Variants in ERAP1 observed in about 807,000 individuals in gnomAD.
ERAP1 encodes the protein endoplasmic reticulum aminopeptidase 1, also known as adipocyte-derived leucine aminopeptidase.
A neutral mutation model predicts 103.7 loss-of-function variants in ERAP1; 86 were observed. The observed-to-expected ratio is 0.83, with a 90% CI of 0.70 to 0.99. The LOEUF is 0.99. Ranked by LOEUF, ERAP1 falls within the 50% of genes least tolerant of loss-of-function variation. The probability of loss-of-function intolerance (pLI) is 0.00; values close to 1 mark genes in which losing one functional copy is unlikely to be tolerated. For synonymous variants in ERAP1, 398 were observed against 402.4 expected (o/e 0.99, Z 0.13); for missense variants, 1,009 against 1,128.4 (o/e 0.89, Z 1.52).
chr5:96,786,928 C>T (rs530593579), intron 11 of ERAP1, among the ~76,000 whole-genome samples: 6 of 152,090 alleles, frequency 3.9e-5, no homozygotes, highest in African/African-American at 7.2e-5. Context: ...TAAGCTGAAC[C>T]TGATCATGGA....
chr5:96,924,660 T>C, the ERAP1 span, among the ~76,000 whole-genome samples: 1 of 151,770 alleles, frequency 6.6e-6, no homozygotes, highest in African/African-American at 2.4e-5. Flanking sequence ...TGCAATGGCG[T>C]GATCTCGGCT....
chr5:96,842,479 T>C, the ERAP1 span, among the ~76,000 whole-genome samples: 2 of 152,234 alleles, frequency 1.3e-5, no homozygotes, highest in Non-Finnish European at 2.9e-5. Flanking sequence ...ATCATGGCCA[T>C]TCTTGAAAAA....
the ERAP1 span, among the ~76,000 whole-genome samples, chr5:96,885,281 C>T: frequency 1.3e-5 from 2 of 152,322 alleles, no homozygotes; most frequent in African/African-American, 4.8e-5. Context: ...AATACCCCAG[C>T]TCTCAGCCCC....
the ERAP1 span, chr5:96,896,810 A>T: frequency 7.4e-7 from 1 of 1,343,006 alleles, no homozygotes; most frequent in Non-Finnish European, 9.7e-7. Context: ...GTACTTAAAG[A>T]AGTTCAGCTA....
chr5:96,906,298 A>C, the ERAP1 span, among the ~76,000 whole-genome samples: 3 of 150,868 alleles, frequency 2.0e-5, no homozygotes, highest in Non-Finnish European at 4.4e-5. Flanking sequence ...TTCTTCTTCA[A>C]GGGCTTTACT....
chr5:96,903,635 T>C, the ERAP1 span: 5 of 1,300,946 alleles, frequency 3.8e-6, no homozygotes, highest in Non-Finnish European at 5.3e-6. Context: ...CAATATTGAA[T>C]GTTCAACATT....
At chr5:96,882,137 A>G in the ERAP1 span, among the ~76,000 whole-genome samples, 2 of 152,194 alleles carry the variant, frequency 1.3e-5, no homozygotes, top group African/African-American at 4.8e-5. Context: ...CATTGCAGCC[A>G]CAATCCTCAG....
the ERAP1 span, chr5:96,903,502 A>C: frequency 3.7e-6 from 6 of 1,614,018 alleles, no homozygotes; most frequent in Admixed American, 1.7e-5. Flanking sequence ...TCAGAACCAC[A>C]CACTTCTCAG....
chr5:96,931,661 T>C, the ERAP1 span, among the ~76,000 whole-genome samples: 2 of 152,212 alleles, frequency 1.3e-5, no homozygotes, highest in Non-Finnish European at 2.9e-5. Flanking sequence ...CAAAATATAG[T>C]TTTGGTAAAT....
In ERAP1 at chr5:96,783,969, C is replaced by CTT. The variant is rs768624435; in HGVS notation, c.2053_2054dup (p.Leu686SerfsTer2). On this transcript the variant is annotated frameshift_variant, in exon 14 of 19. Coordinates refer to ENST00000443439, the MANE Select transcript of ERAP1 (RefSeq NM_001040458.3). LOFTEE classifies it high-confidence loss of function. ...CATTCATATCTCTTTTCTCCATTAA[C>CTT]TTATACATAGGAATCAGCTCATTCA... is the stretch of plus-strand genomic sequence containing the variant. The CTT allele has an allele frequency of 1.2e-5, 20 of 1,613,814 alleles. No homozygotes were observed. The African/African-American group carries it at 2.5e-4, about 20-fold the overall frequency.
At chr5:96,781,918 G>A in intron 15 of ERAP1, 64 bp from the exon 16 acceptor site, 1 of 1,524,378 alleles carries the variant, frequency 6.6e-7, no homozygotes, top group Non-Finnish European at 9.0e-7. Context: ...AGGCATAATG[G>A]TGACTAACTA....
downstream of ERAP1, chr5:96,771,931 G>A: frequency 2.8e-6 from 1 of 355,718 alleles, no homozygotes; most frequent in Non-Finnish European, 5.1e-6. Flanking sequence ...ATAATTAAAA[G>A]CTTTTAAAAA....
chr5:96,807,290 G>C (rs1462888730), intron 1 of ERAP1, among the ~76,000 whole-genome samples: 1 of 152,190 alleles, frequency 6.6e-6, no homozygotes, highest in Non-Finnish European at 1.5e-5. Flanking sequence ...GAAGCAGGGA[G>C]GGAAGTGACC....
chr5:96,887,002 T>C, the ERAP1 span, among the ~76,000 whole-genome samples: 1 of 151,472 alleles, frequency 6.6e-6, no homozygotes, highest in Non-Finnish European at 1.5e-5. Flanking sequence ...ATTTTCTATA[T>C]GTATGTCAGC....
intron 19 of ERAP1, among the ~76,000 whole-genome samples, chr5:96,765,033 G>A (rs1198931244): frequency 2.0e-5 from 3 of 149,308 alleles, no homozygotes; most frequent in East Asian, 1.9e-4. Flanking sequence ...AGATACTGCC[G>A]CTCTTCTCCT....
chr5:96,893,486 C>T, the ERAP1 span, among the ~76,000 whole-genome samples: 8 of 152,188 alleles, frequency 5.3e-5, no homozygotes, highest in Non-Finnish European at 1.2e-4. Context: ...TCCCCACTGG[C>T]GCATTTTAGG....
At chr5:96,830,003 A>C in the ERAP1 span, among the ~76,000 whole-genome samples, 2 of 152,238 alleles carry the variant, frequency 1.3e-5, no homozygotes, top group Admixed American at 1.3e-4. Context: ...AAACCTTATC[A>C]AATGCATCAA....
At chr5:96,884,704 C>A in the ERAP1 span, among the ~76,000 whole-genome samples, 10 of 151,800 alleles carry the variant, frequency 6.6e-5, no homozygotes, top group Non-Finnish European at 1.2e-4. Flanking sequence ...ATTACAGGCT[C>A]CCACCACTAC....
chr5:96,831,969 A>G, the ERAP1 span, among the ~76,000 whole-genome samples: 4 of 152,220 alleles, frequency 2.6e-5, no homozygotes, highest in Non-Finnish European at 5.9e-5. Flanking sequence ...CAGTATTTTG[A>G]GATAAAGTAA....
Sources: allele counts gnomAD v4.1 joint callset (sites outside exome capture counted in the v4.1 genomes callset), GRCh38; gene constraint gnomAD v4.1.1; transcripts MANE v1.5; gene names NCBI Gene and HGNC (gene_info 2026-07-23, HGNC 2026-07-21).